Variants in MIGA2 observed in about 807,000 individuals in gnomAD.
The protein encoded by MIGA2 is mitoguardin 2.
In MIGA2, 36 loss-of-function variants were observed where a neutral mutation model predicts 69.9. That is an observed-to-expected ratio of 0.52 (90% CI 0.39 to 0.68). The LOEUF (loss-of-function observed/expected upper bound fraction) is 0.68, where lower values mean the gene tolerates loss of function less well. Ranked by LOEUF, MIGA2 falls within the 30% of genes least tolerant of loss-of-function variation. MIGA2 has a pLI of 0.00. For synonymous variants in MIGA2, 333 were observed against 349.2 expected, an observed-to-expected ratio of 0.95 and a Z score of 0.52; for missense variants, 660 against 787.7, an observed-to-expected ratio of 0.84 and a Z score of 1.94.
chr9:129,057,733 G>C (rs1049144826), intron 6 of MIGA2, among the ~76,000 whole-genome samples: 1 of 152,050 alleles, frequency 6.6e-6, no homozygotes, highest in Non-Finnish European at 1.5e-5. Flanking sequence ...AGCCTCCTGA[G>C]TAGCTGGGAC....
chr9:129,058,562 C>T lies in MIGA2; in HGVS notation c.676-592C>T, dbSNP rs553168201. Among the ~76,000 whole-genome samples the T allele has an allele frequency of 1.9e-3, 274 of 144,756 alleles. 1 individual carries two copies. The highest frequency in any genetic ancestry group is 6.9e-3 in the African/African-American group (267 of 38,628). The allele number at this position is 144,756 out of a possible 152,430, so 95.0% of individuals were successfully genotyped here. A position where few individuals can be genotyped will look rare whatever the true frequency, so the allele number is the denominator to read the frequency against. On this transcript the variant is annotated intron_variant, in intron 6 of 15. Coordinates refer to ENST00000684074, the MANE Select transcript of MIGA2 (RefSeq NM_001329990.2). ...TCGCCCAGGCTAGAGTGCAATGGCGCGATCTTGGCTCACTGCAACCTCTGC... is the reference window on the plus strand; with the variant it reads ...TCGCCCAGGCTAGAGTGCAATGGCGTGATCTTGGCTCACTGCAACCTCTGC...
intron 11 of MIGA2, among the ~76,000 whole-genome samples, chr9:129,064,356 G>A (rs145286065): frequency 0.018 from 2,710 of 151,932 alleles, 100 homozygotes; most frequent in Admixed American, 0.09. Flanking sequence ...ACAGGCGCTC[G>A]CCACCGTGCC....
In MIGA2 at chr9:129,048,517, G is replaced by C. The variant is rs139819220; in HGVS notation, c.398G>C (p.Gly133Ala). The C allele has an allele frequency of 2.5e-6, 4 of 1,614,000 alleles. No homozygotes were observed. Among genetic ancestry groups the C allele is most frequent in the Non-Finnish European group, 3.4e-6 (4 of 1,179,896 alleles). The part of the protein sequence containing the change: ...ISSIEPSKHS[G>A]SSHSVASMMA... The stretch of plus-strand genomic sequence containing the variant: ...TCCATTGAGCCCAGCAAGCACTCGG[G>C]CTCCTCCCACAGTGTGGCCTCGGTG... Residue 133 changes from glycine to alanine, a missense_variant, in exon 4 of 16, where the codon GGC becomes GCC. This residue lies in a region of MIGA2 where 386 missense variants were observed against 402.0 expected (regional missense o/e 0.96). Coordinates refer to ENST00000684074, the MANE Select transcript of MIGA2 (RefSeq NM_001329990.2).
chr9:129,065,886 T>C (rs1448645260), intron 11 of MIGA2, among the ~76,000 whole-genome samples: 1 of 152,154 alleles, frequency 6.6e-6, no homozygotes, highest in Non-Finnish European at 1.5e-5. Context: ...GTGGCCTCAC[T>C]ACCCTGCCTC....
intron 6 of MIGA2, among the ~76,000 whole-genome samples, chr9:129,057,593 A>G (rs1845861378): frequency 6.7e-6 from 1 of 149,922 alleles, no homozygotes; most frequent in South Asian, 2.1e-4. Context: ...GCCTGGCCCA[A>G]TGATTTCCTT....
chr9:129,062,097 C>G (rs1245065436), intron 9 of MIGA2, among the ~76,000 whole-genome samples: 2 of 140,608 alleles, frequency 1.4e-5, no homozygotes, highest in Non-Finnish European at 3.0e-5. Flanking sequence ...GTTGGCTAGG[C>G]TGGTCTCAAA....
In MIGA2 at chr9:129,060,381, G is replaced by A. The variant is rs985330956; in HGVS notation, c.794-169G>A. 29 of 587,050 alleles carry A rather than the reference G, an allele frequency of 4.9e-5. No homozygotes were observed. The highest frequency in any genetic ancestry group is 7.6e-5 in the Non-Finnish European group (25 of 330,986). The allele number at this position is 587,050 out of a possible 1,614,324, so 36.4% of individuals were successfully genotyped here. Reference sequence around the variant, plus strand: ...CACTCACTGAGGCGAGGAGTCCAGCGTCCTCACACAGAAGCGCTTGGCACG... The same window carrying A: ...CACTCACTGAGGCGAGGAGTCCAGCATCCTCACACAGAAGCGCTTGGCACG... On this transcript the variant is annotated intron_variant, in intron 7 of 15. Transcript: ENST00000684074. This position sits in a 1 kb window ranked among gnomAD's most constrained non-coding sequence, Gnocchi z 4.8.
chr9:129,067,678 C>A, intron 11 of MIGA2, 95 bp from the exon 12 acceptor site: 1 of 1,126,158 alleles, frequency 8.9e-7, no homozygotes, highest in Non-Finnish European at 1.3e-6. Context: ...TGGGGATGGG[C>A]CCCAGCCGTG....
Position 129,069,924 on chromosome 9 carries a change from G to C in MIGA2, c.1534G>C (p.Gly512Arg), listed in dbSNP as rs1190491990. ...CCCTGTCCTAGCCTTCGGCTTCCTT[G>C]GACCCAAGCCTCAGCTTGCTGAAGT... ...VSPVLAFGFL[G>R]PKPQLAEVCA... Residue 512 changes from glycine to arginine, a missense_variant, in exon 15 of 16, where the codon GGA becomes CGA. Coordinates refer to ENST00000684074, the MANE Select transcript of MIGA2 (RefSeq NM_001329990.2). This position sits in a 1 kb window ranked among gnomAD's most constrained non-coding sequence, Gnocchi z 4.9. 6.2e-7 allele frequency: 1 copy of C among 1,612,650 alleles called. No individual in the cohort carries two copies. Among genetic ancestry groups the C allele is most frequent in the African/African-American group, 1.3e-5 (1 of 74,876 alleles).
chr9:129,048,495 A>G lies in MIGA2; in HGVS notation c.376A>G (p.Ile126Val), dbSNP rs1368453480. Residue 126 changes from isoleucine (I) to valine (V), a missense_variant, in exon 4 of 16, where the codon ATT becomes GTT. By Grantham distance (29) the Ile-to-Val change is conservative (BLOSUM62 3). Around this residue, in one of 3 missense-constraint regions of MIGA2, gnomAD observed 386 missense variants for 402.0 expected, o/e 0.96. Coordinates refer to ENST00000684074, the MANE Select transcript of MIGA2 (RefSeq NM_001329990.2). ...CGACACCCTGAGTGGCATCTCTTCC[A>G]TTGAGCCCAGCAAGCACTCGGGCTC... is the stretch of plus-strand genomic sequence containing the variant. ...SNDTLSGISS[I>V]EPSKHSGSSH... The G allele has an allele frequency of 6.2e-7, 1 of 1,614,024 alleles. No homozygotes were observed. Among genetic ancestry groups the G allele is most frequent in the South Asian group, 1.1e-5 (1 of 91,088 alleles).
chr9:129,056,129 GA>G (rs76491749), intron 6 of MIGA2, among the ~76,000 whole-genome samples: 26,031 of 77,526 alleles, frequency 0.34, 3,349 homozygotes, highest in African/African-American at 0.51. Context: ...CCTGTCTCAA[GA>G]AAAAAAAAAA....
chr9:129,044,306 T>G (rs1845091069), intron 3 of MIGA2, among the ~76,000 whole-genome samples: 1 of 151,822 alleles, frequency 6.6e-6, no homozygotes, highest in South Asian at 2.1e-4. Flanking sequence ...TTCTACTCTT[T>G]TTCCCAGCTT....
Position 129,069,886 on chromosome 9 carries a change from C to G in MIGA2, c.1496C>G (p.Ser499Trp). 6.2e-7 allele frequency: 1 copy of G among 1,613,930 alleles called. No individual in the cohort carries two copies. Among genetic ancestry groups the G allele is most frequent in the Non-Finnish European group, 8.5e-7 (1 of 1,179,992 alleles). ...TTCATCTCCCATTTCTACTCCGTAT[C>G]GGAGCATGTGAGCCCTGTCCTAGCC... ...DGFISHFYSV[S>W]EHVSPVLAFG... is the part of the protein sequence containing the mutation. Residue 499 changes from serine (S) to tryptophan (W), a missense_variant, in exon 15 of 16, where the codon TCG becomes TGG. This residue lies in a region of MIGA2 where 220 missense variants were observed against 301.7 expected (regional missense o/e 0.73). Coordinates refer to ENST00000684074, the MANE Select transcript of MIGA2 (RefSeq NM_001329990.2). This position sits in a 1 kb window ranked among gnomAD's most constrained non-coding sequence, Gnocchi z 4.9.
At chr9:129,049,643 C>T in intron 5 of MIGA2, 145 bp downstream of exon 5, 2 of 1,254,484 alleles carry the variant, frequency 1.6e-6, no homozygotes, top group Non-Finnish European at 1.1e-6. Flanking sequence ...CATTTCTGAA[C>T]AAGGGACAGT....
chr9:129,063,465 C>T (rs1846172043), intron 10 of MIGA2, 80 bp from the exon 11 acceptor site: 1 of 1,573,010 alleles, frequency 6.4e-7, no homozygotes, highest in African/African-American at 1.3e-5. Context: ...ACCTACCTGG[C>T]CTCTTATGTG....
At chr9:129,039,792 G>T (rs570909918) in intron 1 of MIGA2, 4 of 160,160 alleles carry the variant, frequency 2.5e-5, no homozygotes, top group South Asian at 1.8e-4. Flanking sequence ...GCCCAGGCTG[G>T]AGCGCAGTGG....
Position 129,069,506 on chromosome 9 carries a change from G to GGCA in MIGA2, c.1459-340_1459-338dup. 11 of 505,404 alleles carry GGCA rather than the reference G, an allele frequency of 2.2e-5. No individual in the cohort carries two copies. The South Asian group carries it at 2.4e-4, about 11-fold the overall frequency. 31.3% of individuals were successfully genotyped at this position (505,404 alleles called of 1,614,324 possible). On this transcript the variant is annotated intron_variant, in intron 14 of 15. Coordinates refer to ENST00000684074, the MANE Select transcript of MIGA2 (RefSeq NM_001329990.2). The surrounding 1 kb of genome is among the most constrained non-coding windows in gnomAD (Gnocchi z 4.9). ...CAGGCCCCTGTAATCTCCGCTCCCAGGCAGCGACTGGCTGTGCTATCTGGC... is the reference window on the plus strand; with the variant it reads ...CAGGCCCCTGTAATCTCCGCTCCCAGGCAGCAGCGACTGGCTGTGCTATCTGGC...
At chr9:129,063,655 G>GCCCC in intron 11 of MIGA2, 24 bp downstream of exon 11, 1 of 645,742 alleles carries the variant, frequency 1.5e-6, no homozygotes, top group Non-Finnish European at 2.9e-6. Context: ...GGGTGGGGGG[G>GCCCC]CAAATTATAA....
intron 3 of MIGA2, among the ~76,000 whole-genome samples, chr9:129,048,173 C>T (rs893543224): frequency 2.6e-5 from 4 of 152,206 alleles, no homozygotes; most frequent in African/African-American, 4.8e-5. Context: ...TCTGGCAGAT[C>T]GGGACTCCTC....
Sources: allele counts gnomAD v4.1 joint callset (sites outside exome capture counted in the v4.1 genomes callset), GRCh38; gene constraint gnomAD v4.1.1; regional missense constraint gnomAD v4.1.1; non-coding constraint Gnocchi (gnomAD v3.1); transcripts MANE v1.5; gene names NCBI Gene and HGNC (gene_info 2026-07-23, HGNC 2026-07-21).